DPP6: variants seen among roughly 807,000 people sequenced by gnomAD.
DPP6 encodes the protein dipeptidyl peptidase like 6.
Under a neutral mutation model 122.6 loss-of-function variants are expected in DPP6, and 69 were observed. The observed-to-expected ratio is 0.56, with a 90% confidence interval of 0.46 to 0.69. The LOEUF (loss-of-function observed/expected upper bound fraction) is 0.69. Among genes scored for constraint, DPP6 ranks in the 30% least tolerant of loss-of-function variants. DPP6 has a pLI of 0.00. For missense variants in DPP6, 928 were observed against 1,116.9 expected, an observed-to-expected ratio of 0.83 and a Z score of 2.41; for synonymous variants, 418 against 433.1, an observed-to-expected ratio of 0.97 and a Z score of 0.43.
chr7:154,477,543 G>C (rs1370817904), intron 3 of DPP6, among the ~76,000 whole-genome samples: 1 of 139,432 alleles, frequency 7.2e-6, no homozygotes, highest in Non-Finnish European at 1.6e-5. Context: ...AAAAAAAAAA[G>C]TATATGTAGA....
chr7:154,425,087 T>C (rs367685345), intron 1 of DPP6, among the ~76,000 whole-genome samples: 2 of 152,334 alleles, frequency 1.3e-5, no homozygotes, highest in African/African-American at 4.8e-5. Flanking sequence ...ACGGATAACT[T>C]ATTCTTTCCA....
intron 1 of DPP6, among the ~76,000 whole-genome samples, chr7:154,107,813 C>T (rs1490255831): frequency 6.6e-6 from 1 of 152,136 alleles, no homozygotes; most frequent in African/African-American, 2.4e-5. Flanking sequence ...GGGTTGCTCC[C>T]TACTCTGGAG....
the DPP6 span, among the ~76,000 whole-genome samples, chr7:153,829,475 A>C: frequency 6.6e-6 from 1 of 151,898 alleles, no homozygotes; most frequent in Non-Finnish European, 1.5e-5. Context: ...TGGCCTCCCA[A>C]AGTGCTGGGA....
the DPP6 span, among the ~76,000 whole-genome samples, chr7:153,864,956 C>G: frequency 1.1e-4 from 17 of 152,244 alleles, 1 homozygote; most frequent in Admixed American, 9.8e-4. Flanking sequence ...GTGTCCCCAG[C>G]CCTGTCCCCA....
At chr7:154,570,910 G>A (rs998355897) in intron 5 of DPP6, among the ~76,000 whole-genome samples, 1 of 152,128 alleles carries the variant, frequency 6.6e-6, no homozygotes, top group Non-Finnish European at 1.5e-5. Flanking sequence ...TAGTGCATCT[G>A]GAATGTTGAA....
intron 1 of DPP6, among the ~76,000 whole-genome samples, chr7:154,325,028 C>T (rs578024763): frequency 2.2e-4 from 33 of 152,060 alleles, no homozygotes; most frequent in Middle Eastern, 3.4e-3. Context: ...CCATGCTTGG[C>T]TAATTTTTTT....
intron 1 of DPP6, among the ~76,000 whole-genome samples, chr7:154,252,613 G>T (rs1802423336): frequency 6.6e-6 from 1 of 152,292 alleles, no homozygotes; most frequent in African/African-American, 2.4e-5. Flanking sequence ...ATCAGTTGTG[G>T]CTGTGTTATC....
At chr7:154,050,021 G>A (rs527399088), upstream of DPP6, among the ~76,000 whole-genome samples, 123 of 152,264 alleles carry the variant, frequency 8.1e-4, 1 homozygote, top group South Asian at 2.1e-3. Flanking sequence ...GTTCATCCAT[G>A]CTGTTTCCAG....
chr7:154,096,683 T>C (rs988035817), intron 1 of DPP6, among the ~76,000 whole-genome samples: 60 of 152,156 alleles, frequency 3.9e-4, no homozygotes, highest in Non-Finnish European at 7.1e-4. Flanking sequence ...GAATAAAATC[T>C]AAAACTACAT....
intron 7 of DPP6, among the ~76,000 whole-genome samples, chr7:154,718,799 C>T (rs1311027866): frequency 6.6e-6 from 1 of 152,078 alleles, no homozygotes; most frequent in Non-Finnish European, 1.5e-5. Context: ...ACCACCATGC[C>T]TGGCTAAATT....
intron 1 of DPP6, among the ~76,000 whole-genome samples, chr7:154,321,859 C>T (rs552551470): frequency 4.6e-5 from 7 of 151,254 alleles, no homozygotes; most frequent in Non-Finnish European, 8.8e-5. Context: ...CTGCAGGTAG[C>T]GGCCTTAGAC....
chr7:154,113,394 C>CATATATATATATATATATATATAT (rs143477890), intron 1 of DPP6, among the ~76,000 whole-genome samples: 2 of 139,564 alleles, frequency 1.4e-5, no homozygotes, highest in Non-Finnish European at 3.2e-5. Context: ...TGTTTTCCTA[C>CATATATATATATATATATATATAT]ATATATATAT....
intron 8 of DPP6, among the ~76,000 whole-genome samples, chr7:154,750,908 G>A (rs1318025891): frequency 6.6e-6 from 1 of 152,302 alleles, no homozygotes; most frequent in African/African-American, 2.4e-5. Flanking sequence ...CTGCACAGGC[G>A]CTGAGGGGAT....
the DPP6 span, among the ~76,000 whole-genome samples, chr7:153,829,830 G>T: frequency 6.6e-6 from 1 of 152,174 alleles, no homozygotes; most frequent in Non-Finnish European, 1.5e-5. Flanking sequence ...TTGACCGATT[G>T]TTTCGGGTAC....
At chr7:153,907,468 T>C (rs1281205117) in intron 1 of DPP6, among the ~76,000 whole-genome samples, 2 of 152,248 alleles carry the variant, frequency 1.3e-5, no homozygotes, top group Admixed American at 6.5e-5. Context: ...TATTATCTAA[T>C]CTAGGTGTGA....
chr7:154,379,039 C>T (rs1055656594), intron 1 of DPP6, among the ~76,000 whole-genome samples: 10 of 152,188 alleles, frequency 6.6e-5, no homozygotes, highest in African/African-American at 9.7e-5. Context: ...AGAGCCAAAA[C>T]GATTCACCTC....
At chr7:154,538,915 C>T (rs1314165620) in intron 3 of DPP6, among the ~76,000 whole-genome samples, 2 of 152,184 alleles carry the variant, frequency 1.3e-5, no homozygotes, top group Non-Finnish European at 2.9e-5. Flanking sequence ...ACCTAAACAT[C>T]TGTTAACTTT....
the DPP6 span, among the ~76,000 whole-genome samples, chr7:153,829,820 T>C: frequency 1.3e-5 from 2 of 152,176 alleles, no homozygotes; most frequent in African/African-American, 4.8e-5. Flanking sequence ...TGTTGTCAGA[T>C]TGACCGATTG....
At chr7:154,837,147 G>GCAAACACATGCACA (rs1801121151) in intron 16 of DPP6, among the ~76,000 whole-genome samples, 1 of 151,054 alleles carries the variant, frequency 6.6e-6, no homozygotes, top group Non-Finnish European at 1.5e-5. Context: ...ACACATGCAT[G>GCAAACACATGCACA]CACACACATG....
Sources: allele counts gnomAD v4.1 joint callset (sites outside exome capture counted in the v4.1 genomes callset), GRCh38; gene constraint gnomAD v4.1.1; transcripts MANE v1.5; gene names NCBI Gene and HGNC (gene_info 2026-07-23, HGNC 2026-07-21).